Variants in APBA2 observed in about 807,000 individuals in gnomAD.
The protein encoded by APBA2 is amyloid-beta A4 precursor protein-binding family A member 2.
A neutral mutation model predicts 75.0 loss-of-function variants in APBA2; 30 were observed. The ratio of observed to expected loss-of-function variants is 0.40; its 90% CI spans 0.30 to 0.54. The LOEUF (loss-of-function observed/expected upper bound fraction) is 0.54, where lower values mean the gene tolerates loss of function less well. APBA2 is among the 20% of genes least tolerant of loss of function. APBA2 has a pLI of 0.49. For synonymous variants in APBA2, 444 were observed against 409.6 expected, an observed-to-expected ratio of 1.08 and a Z score of -1.01; for missense variants, 801 against 1,016.1, an observed-to-expected ratio of 0.79 and a Z score of 2.88.
chr15:29,116,014 G>C (rs1437738940), intron 14 of APBA2, among the ~76,000 whole-genome samples: 2 of 152,204 alleles, frequency 1.3e-5, no homozygotes, highest in Non-Finnish European at 2.9e-5. Flanking sequence ...GGGCAGGACA[G>C]GGGAGAGCGT....
At chr15:29,017,213 C>G (rs1468493456) in intron 3 of APBA2, among the ~76,000 whole-genome samples, 1 of 151,964 alleles carries the variant, frequency 6.6e-6, no homozygotes, top group Non-Finnish European at 1.5e-5. Flanking sequence ...CCAGATGCAC[C>G]CGGAGCTTGC....
At chr15:28,953,189 G>T (rs2035983110) in intron 2 of APBA2, among the ~76,000 whole-genome samples, 1 of 152,022 alleles carries the variant, frequency 6.6e-6, no homozygotes, top group African/African-American at 2.4e-5. Flanking sequence ...ACCAGCGTTT[G>T]TGCAGAATCC....
At chr15:28,948,436 C>A (rs1032373357) in intron 2 of APBA2, among the ~76,000 whole-genome samples, 1 of 151,660 alleles carries the variant, frequency 6.6e-6, no homozygotes, top group African/African-American at 2.4e-5. Context: ...AGTCCCCTTT[C>A]GTAGAGATTT....
intron 3 of APBA2, among the ~76,000 whole-genome samples, chr15:29,016,658 A>G (rs1207799726): frequency 1.3e-5 from 2 of 152,126 alleles, no homozygotes; most frequent in Non-Finnish European, 2.9e-5. Flanking sequence ...TATTTTGTGC[A>G]CCTTGCAACT....
chr15:29,088,705 T>C (rs1344768273), intron 6 of APBA2, among the ~76,000 whole-genome samples: 3 of 152,154 alleles, frequency 2.0e-5, no homozygotes, highest in African/African-American at 4.8e-5. Context: ...CCAGAGTTCA[T>C]TTCTAATGAA....
chr15:28,909,200 C>T (rs1484174371), intron 1 of APBA2, among the ~76,000 whole-genome samples: 3 of 151,964 alleles, frequency 2.0e-5, no homozygotes, highest in Admixed American at 1.3e-4. Flanking sequence ...CCGTGTTAGC[C>T]AGGATGGTCT....
intron 2 of APBA2, among the ~76,000 whole-genome samples, chr15:28,988,039 G>C (rs866866129): frequency 2.0e-5 from 3 of 151,854 alleles, no homozygotes. Context: ...TTACAGGCAT[G>C]AGCCACCATG....
chr15:28,899,992 T>C (rs1219622916), intron 1 of APBA2, among the ~76,000 whole-genome samples: 1 of 150,634 alleles, frequency 6.6e-6, no homozygotes, highest in Non-Finnish European at 1.5e-5. Flanking sequence ...AGGGCAGGAG[T>C]GGAGGGTCGG....
intron 3 of APBA2, among the ~76,000 whole-genome samples, chr15:29,000,548 C>T (rs190586913): frequency 7.2e-5 from 11 of 152,256 alleles, no homozygotes; most frequent in African/African-American, 2.6e-4. Context: ...TGGCCTCACC[C>T]TTGTACAGGT....
In APBA2 at chr15:29,117,399, C is replaced by A. The variant is rs78919121; in HGVS notation, c.*266C>A. 6.5e-3 allele frequency: 3,531 copies of A among 544,886 alleles called. 104 individuals are homozygous for A. Among genetic ancestry groups the A allele is most frequent in the African/African-American group, 0.062 (3,235 of 52,600 alleles). The allele number at this position is 544,886 out of a possible 1,614,324, so 33.8% of individuals were successfully genotyped here. A position where few individuals can be genotyped will look rare whatever the true frequency, so the allele number is the denominator to read the frequency against. On this transcript the variant is annotated 3_prime_UTR_variant, in exon 15 of 15. Transcript: ENST00000683413. The stretch of plus-strand genomic sequence containing the variant: ...CACGTTCTGGACTGTCTTCTCCCTG[C>A]ACAAGCCAGGGTGTGTCTCGGTAGC...
At chr15:28,919,482 T>TG (rs1330749688) in intron 1 of APBA2, 2 of 152,568 alleles carry the variant, frequency 1.3e-5, no homozygotes, top group Non-Finnish European at 2.9e-5. Flanking sequence ...CCCGGCCCCG[T>TG]GGCAGGTAAC....
At chr15:28,900,497 A>G (rs1595413996) in intron 1 of APBA2, among the ~76,000 whole-genome samples, 2 of 152,300 alleles carry the variant, frequency 1.3e-5, no homozygotes, top group East Asian at 1.9e-4. Context: ...TGGCTTTGTC[A>G]TCTTCTTTCC....
intron 2 of APBA2, among the ~76,000 whole-genome samples, chr15:28,925,480 GA>G (rs1237457033): frequency 2.0e-5 from 3 of 152,164 alleles, no homozygotes; most frequent in Admixed American, 2.0e-4. Context: ...ATTCACCAGT[GA>G]AATCTATCTT....
intron 2 of APBA2, among the ~76,000 whole-genome samples, chr15:28,936,166 C>T (rs1318800694): frequency 1.3e-5 from 2 of 152,138 alleles, no homozygotes. Context: ...ATGTGGAAGA[C>T]GTGATGGTTT....
chr15:28,926,855 C>CTTTTTTTTT (rs201502989), intron 2 of APBA2, among the ~76,000 whole-genome samples: 1 of 136,544 alleles, frequency 7.3e-6, no homozygotes, highest in African/African-American at 3.1e-5. Context: ...CTCTCTCTCT[C>CTTTTTTTTT]TCTTTTTTTT....
chr15:29,084,461 C>A (rs1030188597), intron 6 of APBA2, among the ~76,000 whole-genome samples: 16 of 152,136 alleles, frequency 1.1e-4, no homozygotes, highest in Admixed American at 6.5e-4. Context: ...ACACCCTGAC[C>A]CTTTCCCAGA....
In APBA2 at chr15:29,093,069, C is replaced by T; in HGVS notation, c.1070-6C>T. ...AGGAAGACTCTGACTCTGTGCCCTC[C>T]TTCAGTTCCAGGGCCCTGCGAACCA... On this transcript the variant is annotated splice_polypyrimidine_tract_variant and splice_region_variant and intron_variant, in intron 6 of 14. Coordinates refer to ENST00000683413, the MANE Select transcript of APBA2 (RefSeq NM_001353788.2). 1 of 1,614,196 alleles carries T rather than the reference C, an allele frequency of 6.2e-7. No homozygotes were observed. Among genetic ancestry groups the T allele is most frequent in the Non-Finnish European group, 8.5e-7 (1 of 1,180,036 alleles).
At chr15:29,100,006 C>T (rs749981956) in intron 9 of APBA2, among the ~76,000 whole-genome samples, 1 of 152,170 alleles carries the variant, frequency 6.6e-6, no homozygotes, top group African/African-American at 2.4e-5. Flanking sequence ...GGATTCTGGA[C>T]AGGGCATGCA....
At chr15:29,006,212 A>T (rs2039107381) in intron 3 of APBA2, among the ~76,000 whole-genome samples, 1 of 152,256 alleles carries the variant, frequency 6.6e-6, no homozygotes, top group Non-Finnish European at 1.5e-5. Context: ...CACGAAACAC[A>T]CAAAGCTGTT....
Sources: allele counts gnomAD v4.1 joint callset (sites outside exome capture counted in the v4.1 genomes callset), GRCh38; gene constraint gnomAD v4.1.1; transcripts MANE v1.5; gene names NCBI Gene and HGNC (gene_info 2026-07-23, HGNC 2026-07-21).